DPP10: variants seen among roughly 807,000 people sequenced by gnomAD.
The protein encoded by DPP10 is inactive dipeptidyl peptidase 10.
DPP10 carries 33 observed loss-of-function variants against 120.9 expected under a neutral mutation model. The observed-to-expected ratio is 0.27, with a 90% CI of 0.21 to 0.37. DPP10 has a LOEUF of 0.37. Ranked by LOEUF, DPP10 falls within the 10% of genes least tolerant of loss-of-function variation. The pLI is 1.00. For missense variants in DPP10, 816 were observed against 942.8 expected (o/e 0.87, Z 1.76); for synonymous variants, 337 against 326.1 (o/e 1.03, Z -0.36).
At chr2:115,194,635 G>A (rs769036462) in intron 1 of DPP10, among the ~76,000 whole-genome samples, 6 of 152,158 alleles carry the variant, frequency 3.9e-5, no homozygotes, top group Non-Finnish European at 8.8e-5. Context: ...GGTTTGGCCC[G>A]TCTTGCGTGA....
chr2:115,832,524 G>A (rs112679492), intron 21 of DPP10, among the ~76,000 whole-genome samples: 14 of 152,096 alleles, frequency 9.2e-5, no homozygotes, highest in South Asian at 4.2e-4. Context: ...TGCCAGTGTC[G>A]ATTTTTGTTT....
chr2:115,657,345 T>C (rs951577756), intron 5 of DPP10, among the ~76,000 whole-genome samples: 4 of 151,802 alleles, frequency 2.6e-5, no homozygotes, highest in Non-Finnish European at 5.9e-5. Flanking sequence ...AAACTTACAC[T>C]GTCAAACATC....
At chr2:114,993,578 GTGTATA>G (rs1195002521) in intron 1 of DPP10, among the ~76,000 whole-genome samples, 115 of 89,216 alleles carry the variant, frequency 1.3e-3, no homozygotes, top group African/African-American at 3.8e-3. Context: ...GTGTGTGTGT[GTGTATA>G]TATATATATA....
chr2:114,772,142 TTTATTAATATTA>T lies in DPP10; in HGVS notation c.60+329322_60+329333del, dbSNP rs200545779. On this transcript the variant is annotated intron_variant, in intron 1 of 25. Transcript: ENST00000410059. Reference sequence around the variant, plus strand: ...TCTAAATCTTTATGTCCTTATTTTATTTATTAATATTATTATTAATATTATTATTTTTGGAAA... The same window carrying T: ...TCTAAATCTTTATGTCCTTATTTTATTTATTAATATTATTATTTTTGGAAA... 1.1e-3 allele frequency among the ~76,000 whole-genome samples: 164 copies of T among 151,210 alleles called. 1 individual carries two copies. The East Asian group carries it at 0.02, about 18-fold the overall frequency.
At chr2:115,338,779 T>C (rs1391204704) in intron 2 of DPP10, among the ~76,000 whole-genome samples, 1 of 152,146 alleles carries the variant, frequency 6.6e-6, no homozygotes, top group Middle Eastern at 3.2e-3. Flanking sequence ...TCATGCCATG[T>C]GTGAAGATAT....
chr2:115,652,580 G>A (rs1268541707), intron 5 of DPP10, among the ~76,000 whole-genome samples: 1 of 151,798 alleles, frequency 6.6e-6, no homozygotes, highest in Non-Finnish European at 1.5e-5. Context: ...ACTCAGGAGA[G>A]CCGATGGTAC....
rs1686141954 is a variant in DPP10, at chr2:115,807,574, T to A, written c.1701-7219T>A. On this transcript the variant is annotated intron_variant, in intron 19 of 25. Coordinates refer to ENST00000410059, the MANE Select transcript of DPP10 (RefSeq NM_020868.6). ...TTTGCATCAGGCTAAGGAGACAATC[T>A]CTGGCTTTCATTCAAGATAAAGAGC... 3.3e-5 allele frequency among the ~76,000 whole-genome samples: 5 copies of A among 152,276 alleles called. No homozygotes were observed. The South Asian group carries it at 8.3e-4, about 25-fold the overall frequency.
chr2:115,789,292 A>G (rs1468787144), intron 17 of DPP10, among the ~76,000 whole-genome samples: 1 of 152,218 alleles, frequency 6.6e-6, no homozygotes, highest in African/African-American at 2.4e-5. Context: ...ATAGTTTGTT[A>G]TGGCCATATT....
At chr2:114,957,266 G>A (rs952012920) in intron 1 of DPP10, among the ~76,000 whole-genome samples, 5 of 151,530 alleles carry the variant, frequency 3.3e-5, no homozygotes, top group African/African-American at 4.8e-5. Context: ...AATGGGCAAG[G>A]GATCTGAACA....
At chr2:114,999,548 G>A (rs1324243855) in intron 1 of DPP10, among the ~76,000 whole-genome samples, 1 of 152,158 alleles carries the variant, frequency 6.6e-6, no homozygotes, top group East Asian at 1.9e-4. Context: ...GTGCTCTGCA[G>A]CTGCATTAAA....
intron 1 of DPP10, among the ~76,000 whole-genome samples, chr2:114,990,762 T>C (rs2104925565): frequency 6.6e-6 from 1 of 152,318 alleles, no homozygotes; most frequent in African/African-American, 2.4e-5. Context: ...TGTTTTCTCC[T>C]GAAGATAGTT....
intron 1 of DPP10, among the ~76,000 whole-genome samples, chr2:114,742,877 A>G (rs1353825326): frequency 2.0e-5 from 3 of 152,248 alleles, no homozygotes; most frequent in Non-Finnish European, 4.4e-5. Flanking sequence ...ATGCCAATGC[A>G]GGCAAACGAG....
intron 1 of DPP10, among the ~76,000 whole-genome samples, chr2:114,759,761 A>G (rs1016524785): frequency 7.3e-6 from 1 of 136,216 alleles, no homozygotes; most frequent in Non-Finnish European, 1.5e-5. Flanking sequence ...TCCCAAGTAT[A>G]TGCGATTAGA....
intron 1 of DPP10, chr2:115,064,557 C>T (rs553315501): frequency 1.3e-5 from 12 of 927,578 alleles, no homozygotes; most frequent in East Asian, 1.3e-4. Context: ...TTCTGCCCCA[C>T]CACCCACCCC....
intron 1 of DPP10, among the ~76,000 whole-genome samples, chr2:115,177,829 T>A (rs560889684): frequency 6.6e-6 from 1 of 152,156 alleles, no homozygotes; most frequent in Non-Finnish European, 1.5e-5. Context: ...AGTGGCGCGA[T>A]CTCTGCTCGC....
intron 1 of DPP10, among the ~76,000 whole-genome samples, chr2:114,961,691 G>T: frequency 6.6e-6 from 1 of 152,026 alleles, no homozygotes; most frequent in South Asian, 2.1e-4. Flanking sequence ...CTAGTACAAT[G>T]TCTGACATAT....
intron 1 of DPP10, among the ~76,000 whole-genome samples, chr2:115,261,977 C>G (rs2059270933): frequency 6.6e-6 from 1 of 152,158 alleles, no homozygotes; most frequent in African/African-American, 2.4e-5. Context: ...GAGGACAGAA[C>G]TAATGCCACA....
chr2:115,742,786 A>G (rs1677450973), intron 9 of DPP10, among the ~76,000 whole-genome samples: 1 of 152,164 alleles, frequency 6.6e-6, no homozygotes, highest in African/African-American at 2.4e-5. Context: ...GAAACAACAC[A>G]TAGAGTTTAT....
At chr2:114,521,116 G>C (rs1340003310) in intron 1 of DPP10, among the ~76,000 whole-genome samples, 1 of 151,886 alleles carries the variant, frequency 6.6e-6, no homozygotes, top group Non-Finnish European at 1.5e-5. Flanking sequence ...AAATGAAGAA[G>C]AAAATAAATA....
Sources: allele counts gnomAD v4.1 joint callset (sites outside exome capture counted in the v4.1 genomes callset), GRCh38; gene constraint gnomAD v4.1.1; transcripts MANE v1.5; gene names NCBI Gene and HGNC (gene_info 2026-07-23, HGNC 2026-07-21).